The following FECH variants were observed in gnomAD, a reference collection of about 807,000 sequenced individuals.
The protein encoded by FECH is ferrochelatase, mitochondrial.
A neutral mutation model predicts 56.9 loss-of-function variants in FECH; 40 were observed. The ratio of observed to expected loss-of-function variants is 0.70; its 90% CI spans 0.55 to 0.92. The LOEUF is 0.92. FECH is among the 40% of genes least tolerant of loss of function. The pLI is 0.00. For missense variants in FECH, 431 were observed against 529.1 expected, an observed-to-expected ratio of 0.81 and a Z score of 1.82; for synonymous variants, 175 against 198.6, an observed-to-expected ratio of 0.88 and a Z score of 1.00.
chr18:57,552,996 G>A (rs1216278087), intron 9 of FECH, among the ~76,000 whole-genome samples: 1 of 152,156 alleles, frequency 6.6e-6, no homozygotes, highest in African/African-American at 2.4e-5. Context: ...GGGATTTTGA[G>A]GCTAAAGGGA....
At chr18:57,556,217 A>G (rs1284490975) in intron 7 of FECH, among the ~76,000 whole-genome samples, 1 of 152,224 alleles carries the variant, frequency 6.6e-6, no homozygotes, top group Non-Finnish European at 1.5e-5. Flanking sequence ...GCATAAATGT[A>G]GATGGAATGA....
At position 57,550,617 on chromosome 18, in the gene FECH, A is replaced by T; in HGVS notation, c.*95T>A. On this transcript the variant is annotated 3_prime_UTR_variant, in exon 11 of 11. Transcript: ENST00000262093. ...GCTGTATATATATCAAGGAAGGATG[A>T]CTTCCTTCCTTGATCTCTAAATAAC... 1.6e-5 allele frequency: 24 copies of T among 1,473,794 alleles called. No homozygotes were observed. The highest frequency in any genetic ancestry group is 2.0e-5 in the Non-Finnish European group (21 of 1,059,580). The allele number at this position is 1,473,794 out of a possible 1,614,324, so 91.3% of individuals were successfully genotyped here.
At chr18:57,551,244 A>G in intron 10 of FECH, 71 bp downstream of exon 10, 2 of 1,156,762 alleles carry the variant, frequency 1.7e-6, no homozygotes, top group Admixed American at 3.6e-5. Flanking sequence ...AAAAACCAAT[A>G]TTCTGCAAGA....
At chr18:57,559,308 A>C in intron 6 of FECH, 65 bp from the exon 7 acceptor site, 1 of 1,191,020 alleles carries the variant, frequency 8.4e-7, no homozygotes, top group Non-Finnish European at 1.2e-6. Flanking sequence ...GAAAAAGAAA[A>C]TAATTTTAAA....
chr18:57,570,827 T>C (rs1261341258), intron 4 of FECH, among the ~76,000 whole-genome samples: 3 of 152,372 alleles, frequency 2.0e-5, no homozygotes, highest in African/African-American at 7.2e-5. Context: ...ACTATTATTC[T>C]GGATAGAGGT....
chr18:57,545,813 A>T lies in FECH; in HGVS notation c.*4899T>A, dbSNP rs993035044. On this transcript the variant is annotated 3_prime_UTR_variant, in exon 11 of 11. Transcript: ENST00000262093. The stretch of plus-strand genomic sequence containing the variant: ...TATTGCACAAGTGTCTAGCTGGAGA[A>T]AATTGACAAAAAAAATAGAAAGTTT... Among the ~76,000 whole-genome samples, 2 of 147,402 alleles carry T rather than the reference A, an allele frequency of 1.4e-5. No homozygotes were observed. The highest frequency in any genetic ancestry group is 3.0e-5 in the Non-Finnish European group (2 of 65,628).
rs112742130 is a variant in FECH at position 57,563,119 on chromosome 18, T to C, written c.599-139A>G. ...ATCAGTCTAATTACAATCATTTCAA[T>C]ACTCTAAAATGCATATAGATTTAAC... On this transcript the variant is annotated intron_variant, in intron 5 of 10. Coordinates refer to ENST00000262093, the MANE Select transcript of FECH (RefSeq NM_000140.5). 2.7e-5 allele frequency: 19 copies of C among 713,578 alleles called. No homozygotes were observed. In the African/African-American group the frequency reaches 3.0e-4, roughly 11 times the overall value. 44.2% of individuals were successfully genotyped at this position (713,578 alleles called of 1,614,324 possible). A position where few individuals can be genotyped will look rare whatever the true frequency, so the allele number is the denominator to read the frequency against.
chr18:57,579,397 T>G (rs2051241681), intron 2 of FECH, among the ~76,000 whole-genome samples: 1 of 151,830 alleles, frequency 6.6e-6, no homozygotes, highest in South Asian at 2.1e-4. Context: ...CCCAGCTACT[T>G]TCTCTCACTC....
chr18:57,550,772 C>A lies in FECH; in HGVS notation c.1212G>T (p.Pro404=), dbSNP rs765020215. ...LCSKQLTLSC[P]LCVNPVCRET... ...CCCTGCAGACAGGATTGACACAGAGCGGACAGCTCAGGGTCAGCTGCTTGG... is the reference window on the plus strand; with the variant it reads ...CCCTGCAGACAGGATTGACACAGAGAGGACAGCTCAGGGTCAGCTGCTTGG... Residue 404 remains proline, a synonymous_variant, in exon 11 of 11, where the codon CCG becomes CCT. Transcript: ENST00000262093. 1.2e-6 allele frequency: 2 copies of A among 1,614,120 alleles called. No homozygotes were observed. Among genetic ancestry groups the A allele is most frequent in the Admixed American group, 1.7e-5 (1 of 60,024 alleles).
At chr18:57,554,796 A>T in intron 8 of FECH, 49 bp downstream of exon 8, 1 of 1,455,794 alleles carries the variant, frequency 6.9e-7, no homozygotes, top group Non-Finnish European at 9.7e-7. Flanking sequence ...CTCATAAAAT[A>T]AATTTTACCA....
chr18:57,549,156 A>AT lies in FECH; in HGVS notation c.*1555dup, dbSNP rs1295915383. On this transcript the variant is annotated 3_prime_UTR_variant, in exon 11 of 11. Transcript: ENST00000262093. Reference sequence around the variant, plus strand: ...ACACAATCTACTAGTAGAAAAACCAATTTGAAATTTTAAAAATGTGGATGC... The same window carrying AT: ...ACACAATCTACTAGTAGAAAAACCAATTTTGAAATTTTAAAAATGTGGATGC... 1 of 152,158 alleles carries AT rather than the reference A, an allele frequency of 6.6e-6. No individual in the cohort carries two copies. Among genetic ancestry groups the AT allele is most frequent in the East Asian group, 1.9e-4 (1 of 5,204 alleles). The allele number at this position is 152,158 out of a possible 1,614,324, so 9.4% of individuals were successfully genotyped here. A position where few individuals can be genotyped will look rare whatever the true frequency, so the allele number is the denominator to read the frequency against.
At chr18:57,556,467 C>G (rs182531417) in intron 7 of FECH, among the ~76,000 whole-genome samples, 57 of 152,302 alleles carry the variant, frequency 3.7e-4, no homozygotes, top group African/African-American at 1.3e-3. Flanking sequence ...CACAGACCCC[C>G]GGGTGTGAGG....
At position 57,571,440 on chromosome 18, in the gene FECH, G is replaced by A; in HGVS notation, c.415C>T (p.Gln139Ter). The A allele has an allele frequency of 1.2e-6, 2 of 1,613,906 alleles. No individual in the cohort carries two copies. Among genetic ancestry groups the A allele is most frequent in the South Asian group, 1.1e-5 (1 of 91,074 alleles). Reference protein sequence around the residue: ...GSPIKIWTSKQGEGMVKLLDE... With the variant: ...GSPIKIWTSK Reference sequence around the variant, plus strand: ...AGCAGCTTCACCATGCCCTCTCCCTGCTTGGAAGTCCATATCTTGATGGGG... The same window carrying A: ...AGCAGCTTCACCATGCCCTCTCCCTACTTGGAAGTCCATATCTTGATGGGG... The change falls in exon 4 of 11, where the codon CAG becomes TAG. Residue 139 changes from glutamine (Q) to a stop codon, truncating the protein, a stop_gained. Coordinates refer to ENST00000262093, the MANE Select transcript of FECH (RefSeq NM_000140.5). LOFTEE classifies it high-confidence loss of function.
chr18:57,576,211 C>T (rs2051184224), intron 2 of FECH, among the ~76,000 whole-genome samples: 1 of 152,142 alleles, frequency 6.6e-6, no homozygotes, highest in Non-Finnish European at 1.5e-5. Context: ...CAAAAATGCC[C>T]CCTTCCCCCT....
At chr18:57,586,409 G>T in intron 1 of FECH, 145 bp downstream of exon 1, 1 of 873,486 alleles carries the variant, frequency 1.1e-6, no homozygotes, top group Non-Finnish European at 1.7e-6. Flanking sequence ...CCTTCTCCGC[G>T]ACGCCCCTCG....
chr18:57,574,838 T>C (rs7237481), intron 2 of FECH, among the ~76,000 whole-genome samples: 71 of 152,362 alleles, frequency 4.7e-4, no homozygotes, highest in African/African-American at 1.5e-3. Flanking sequence ...AAAATTGAGA[T>C]ATAACTCACA....
At chr18:57,552,027 G>C (rs1476970754) in intron 9 of FECH, among the ~76,000 whole-genome samples, 1 of 151,902 alleles carries the variant, frequency 6.6e-6, no homozygotes, top group Non-Finnish European at 1.5e-5. Context: ...GAGATTACAG[G>C]CATGCACCAC....
intron 6 of FECH, among the ~76,000 whole-genome samples, chr18:57,559,478 C>T (rs1052595192): frequency 3.9e-5 from 6 of 152,216 alleles, no homozygotes; most frequent in Non-Finnish European, 4.4e-5. Flanking sequence ...TTCTAAAGCT[C>T]GCTAATGGCT....
In FECH at chr18:57,550,418, G is replaced by C. The variant is rs550830041; in HGVS notation, c.*294C>G. 11 of 372,770 alleles carry C rather than the reference G, an allele frequency of 3.0e-5. No homozygotes were observed. The highest frequency in any genetic ancestry group is 5.5e-5 in the Non-Finnish European group (11 of 198,434). 23.1% of individuals were successfully genotyped at this position (372,770 alleles called of 1,614,324 possible). ...TAAAGCCAAAATCTGTACTTAAATAGGTGTGTCTCATAAGACAAATTTTTA... is the reference window on the plus strand; with the variant it reads ...TAAAGCCAAAATCTGTACTTAAATACGTGTGTCTCATAAGACAAATTTTTA... On this transcript the variant is annotated 3_prime_UTR_variant, in exon 11 of 11. Coordinates refer to ENST00000262093, the MANE Select transcript of FECH (RefSeq NM_000140.5).
Sources: gnomAD v4.1 joint callset for allele counts (sites outside exome capture counted in the v4.1 genomes callset) on GRCh38, gnomAD v4.1.1 for gene constraint, MANE v1.5 for transcripts, NCBI Gene and HGNC (gene_info 2026-07-23, HGNC 2026-07-21) for gene names.